C12orf42: variants seen among roughly 807,000 people sequenced by gnomAD.
C12orf42 encodes the protein uncharacterized protein C12orf42.
A neutral mutation model predicts 21.6 loss-of-function variants in C12orf42; 25 were observed. That is an observed-to-expected ratio of 1.16 (90% confidence interval 0.84 to 1.62). The LOEUF is 1.62. Among genes scored for constraint, C12orf42 ranks in the 40% most tolerant of loss-of-function variants. The pLI, the probability that C12orf42 is intolerant of heterozygous loss-of-function variation, is 0.00. For missense variants in C12orf42, 483 were observed against 459.3 expected (o/e 1.05, Z -0.47); for synonymous variants, 174 against 175.0 (o/e 0.99, Z 0.05).
chr12:103,244,107 A>G (rs889696591), intron 10 of C12orf42, among the ~76,000 whole-genome samples: 1 of 152,136 alleles, frequency 6.6e-6, no homozygotes, highest in Non-Finnish European at 1.5e-5. Flanking sequence ...GACTGCCTTT[A>G]TATGTCTCAT....
At chr12:103,377,714 C>T (rs543233774) in intron 3 of C12orf42, among the ~76,000 whole-genome samples, 18 of 152,112 alleles carry the variant, frequency 1.2e-4, no homozygotes, top group Non-Finnish European at 2.4e-4. Context: ...CACCAGGCCC[C>T]TGTTCTAAGC....
chr12:103,324,980 G>T (rs2040533025), intron 4 of C12orf42, among the ~76,000 whole-genome samples: 1 of 152,172 alleles, frequency 6.6e-6, no homozygotes, highest in Admixed American at 6.5e-5. Flanking sequence ...ATATAATTTG[G>T]TTAACCGAAA....
intron 10 of C12orf42, among the ~76,000 whole-genome samples, chr12:103,258,289 G>A (rs926332740): frequency 1.3e-5 from 2 of 152,060 alleles, no homozygotes; most frequent in Admixed American, 6.6e-5. Context: ...ATGGATGAAT[G>A]CTGTGATCAT....
chr12:103,123,811 CTTTT>C, the C12orf42 span, among the ~76,000 whole-genome samples: 1 of 151,658 alleles, frequency 6.6e-6, no homozygotes, highest in African/African-American at 2.4e-5. Flanking sequence ...TTACCTATTT[CTTTT>C]TATTTAAAAG....
the C12orf42 span, among the ~76,000 whole-genome samples, chr12:103,095,439 C>A: frequency 2.6e-5 from 4 of 152,140 alleles, no homozygotes; most frequent in East Asian, 5.8e-4. Context: ...AGCTCCTGTG[C>A]CCCATTGTTC....
intron 1 of C12orf42, among the ~76,000 whole-genome samples, chr12:103,486,163 T>C (rs1449711211): frequency 6.6e-6 from 1 of 152,234 alleles, no homozygotes; most frequent in African/African-American, 2.4e-5. Context: ...ACCTAGTTTA[T>C]TGAGAGTTTT....
rs1465746081 is a variant in C12orf42 at position 103,342,061 on chromosome 12, AATAG to A, written c.259+26822_259+26825del. Among the ~76,000 whole-genome samples the A allele has an allele frequency of 7.2e-5, 11 of 152,196 alleles. No homozygotes were observed. In the East Asian group the frequency reaches 9.7e-4, roughly 13 times the overall value. Reference sequence around the variant, plus strand: ...TCTATTATAAATAGATAGATACATAAATAGATAGATAGACAGATAAAATATCTAC... The same window carrying A: ...TCTATTATAAATAGATAGATACATAAATAGATAGACAGATAAAATATCTAC... On this transcript the variant is annotated intron_variant, in intron 4 of 5. Coordinates refer to ENST00000548883, the MANE Select transcript of C12orf42 (RefSeq NM_198521.5).
chr12:103,093,398 A>T, the C12orf42 span, among the ~76,000 whole-genome samples: 1 of 152,196 alleles, frequency 6.6e-6, no homozygotes, highest in African/African-American at 2.4e-5. Context: ...GATGGCAGTA[A>T]AGAAATTCCA....
chr12:103,323,110 C>G (rs1354465646), intron 4 of C12orf42, among the ~76,000 whole-genome samples: 2 of 152,134 alleles, frequency 1.3e-5, no homozygotes, highest in Non-Finnish European at 2.9e-5. Flanking sequence ...GTCTAGTGCC[C>G]TGTAGATGCA....
the C12orf42 span, among the ~76,000 whole-genome samples, chr12:103,072,211 G>GT: frequency 6.6e-6 from 1 of 152,098 alleles, no homozygotes; most frequent in East Asian, 1.9e-4. Flanking sequence ...TGCACACATG[G>GT]TAAGAGTTCA....
chr12:103,328,512 C>G (rs1322135965), intron 4 of C12orf42, among the ~76,000 whole-genome samples: 1 of 152,150 alleles, frequency 6.6e-6, no homozygotes, highest in Non-Finnish European at 1.5e-5. Context: ...TAAAGTCATC[C>G]TCATCCAGTA....
intron 2 of C12orf42, among the ~76,000 whole-genome samples, chr12:103,461,391 A>T (rs1376714581): frequency 6.6e-6 from 1 of 152,206 alleles, no homozygotes; most frequent in African/African-American, 2.4e-5. Flanking sequence ...TGGGCTTAGA[A>T]ATTAAAGTCA....
At chr12:103,145,212 C>G in the C12orf42 span, among the ~76,000 whole-genome samples, 1 of 152,282 alleles carries the variant, frequency 6.6e-6, no homozygotes. Context: ...TCTGTTATTT[C>G]TAATTATGGC....
the C12orf42 span, among the ~76,000 whole-genome samples, chr12:103,165,386 T>C: frequency 6.6e-6 from 1 of 152,236 alleles, no homozygotes; most frequent in Non-Finnish European, 1.5e-5. Flanking sequence ...TAAAGTCTCT[T>C]TCCCCTTTTC....
intron 4 of C12orf42, among the ~76,000 whole-genome samples, chr12:103,338,131 C>G (rs969198790): frequency 2.0e-5 from 3 of 152,194 alleles, no homozygotes; most frequent in African/African-American, 7.2e-5. Context: ...AGCTACTAAA[C>G]AGTTGAGTAT....
intron 10 of C12orf42, among the ~76,000 whole-genome samples, chr12:103,260,639 CAGA>C (rs1051952769): frequency 6.6e-5 from 10 of 152,138 alleles, no homozygotes; most frequent in Admixed American, 2.6e-4. Flanking sequence ...TTAAAACATC[CAGA>C]AGATTAATTT....
chr12:103,310,133 G>C (rs2038823886), intron 4 of C12orf42, among the ~76,000 whole-genome samples: 1 of 152,166 alleles, frequency 6.6e-6, no homozygotes, highest in African/African-American at 2.4e-5. Flanking sequence ...TTGGATAATG[G>C]GGACAGATTT....
At chr12:103,109,499 CA>C in the C12orf42 span, among the ~76,000 whole-genome samples, 1 of 151,830 alleles carries the variant, frequency 6.6e-6, no homozygotes, top group African/African-American at 2.4e-5. Context: ...CTTGCCATTC[CA>C]GATGGGTTAA....
intron 2 of C12orf42, among the ~76,000 whole-genome samples, chr12:103,409,499 AG>A (rs1321967328): frequency 6.6e-6 from 1 of 152,146 alleles, no homozygotes; most frequent in East Asian, 1.9e-4. Flanking sequence ...CAATGCTGCA[AG>A]GGGGAGGACA....
Sources: allele counts gnomAD v4.1 joint callset (sites outside exome capture counted in the v4.1 genomes callset), GRCh38; gene constraint gnomAD v4.1.1; transcripts MANE v1.5; gene names NCBI Gene and HGNC (gene_info 2026-07-23, HGNC 2026-07-21).